The following MSH4 variants were observed in gnomAD, a reference collection of about 807,000 sequenced individuals.
The protein encoded by MSH4 is mutS homolog 4.
MSH4 carries 106 observed loss-of-function variants against 113.7 expected under a neutral mutation model. The ratio of observed to expected loss-of-function variants is 0.93; its 90% confidence interval spans 0.80 to 1.10. The LOEUF (loss-of-function observed/expected upper bound fraction) is 1.10. MSH4 is among the 50% of genes least tolerant of loss of function. The pLI, the probability that MSH4 is intolerant of heterozygous loss-of-function variation, is 0.00. For synonymous variants in MSH4, 368 were observed against 380.2 expected (o/e 0.97, Z 0.37); for missense variants, 1,061 against 1,093.7 (o/e 0.97, Z 0.42).
In MSH4 at chr1:75,902,673, GTATATATATATATATATA is replaced by G. The variant is rs34304425; in HGVS notation, c.2619+3012_2619+3029del. ...AGGTACAGGTGTTATATATGTGTAT[GTATATATATATATATATA>G]TATATATATATATATATATATATAT... On this transcript the variant is annotated intron_variant, in intron 19 of 19. Coordinates refer to ENST00000263187, the MANE Select transcript of MSH4 (RefSeq NM_002440.4). 1.7e-3 allele frequency among the ~76,000 whole-genome samples: 152 copies of G among 90,198 alleles called. 1 individual carries two copies. Among genetic ancestry groups the G allele is most frequent in the East Asian group, 3.8e-3 (4 of 1,062 alleles). The allele number at this position is 90,198 out of a possible 152,430, so 59.2% of individuals were successfully genotyped here.
chr1:75,847,869 T>C (rs1328428173), intron 7 of MSH4, among the ~76,000 whole-genome samples: 1 of 152,114 alleles, frequency 6.6e-6, no homozygotes, highest in Non-Finnish European at 1.5e-5. Flanking sequence ...GTGACCCAAA[T>C]GTTTTCCACT....
At chr1:75,804,153 A>G (rs1410247157) in intron 2 of MSH4, among the ~76,000 whole-genome samples, 1 of 152,194 alleles carries the variant, frequency 6.6e-6, no homozygotes, top group African/African-American at 2.4e-5. Flanking sequence ...AAAAAAACAC[A>G]CAAGAAAGAG....
intron 7 of MSH4, among the ~76,000 whole-genome samples, chr1:75,840,611 A>G (rs1337462610): frequency 6.6e-6 from 1 of 150,824 alleles, no homozygotes; most frequent in Non-Finnish European, 1.5e-5. Context: ...TGGTACATGT[A>G]TACATATGTA....
intron 8 of MSH4, among the ~76,000 whole-genome samples, chr1:75,849,469 T>C (rs1263990321): frequency 1.3e-5 from 2 of 152,216 alleles, no homozygotes; most frequent in Non-Finnish European, 2.9e-5. Flanking sequence ...TTGATGACAT[T>C]TGTAAATCCA....
intron 8 of MSH4, among the ~76,000 whole-genome samples, chr1:75,855,159 G>T (rs1478486545): frequency 4.0e-5 from 6 of 151,730 alleles, no homozygotes; most frequent in Non-Finnish European, 1.5e-5. Context: ...TACCTCAGCC[G>T]CCTGAGTAGC....
chr1:75,897,420 C>T lies in MSH4; in HGVS notation c.2356-487C>T, dbSNP rs959290390. Among the ~76,000 whole-genome samples, 5 of 152,122 alleles carry T rather than the reference C, an allele frequency of 3.3e-5. No individual in the cohort carries two copies. In the East Asian group the frequency reaches 9.6e-4, roughly 29 times the overall value. ...CACAATGAAGTCTAAAAACTAAAAA[C>T]TTTTGGAATTTGACATACCTAAGAC... On this transcript the variant is annotated intron_variant, in intron 17 of 19. Transcript: ENST00000263187.
chr1:75,822,271 A>T, intron 6 of MSH4, 138 bp from the exon 7 acceptor site: 1 of 511,502 alleles, frequency 2.0e-6, no homozygotes, highest in Non-Finnish European at 3.2e-6. Flanking sequence ...ACTGGGAGAG[A>T]GAGCGAGACT....
chr1:75,858,312 A>G (rs1404485333), intron 8 of MSH4, among the ~76,000 whole-genome samples: 1 of 152,240 alleles, frequency 6.6e-6, no homozygotes, highest in Non-Finnish European at 1.5e-5. Flanking sequence ...GTTGAATAGG[A>G]GTGGTGAGAA....
chr1:75,819,155 G>A (rs572428789), intron 6 of MSH4, among the ~76,000 whole-genome samples: 4 of 151,796 alleles, frequency 2.6e-5, no homozygotes, highest in East Asian at 1.9e-4. Context: ...ATTTCCCCTC[G>A]CTCTTTGTCT....
intron 7 of MSH4, among the ~76,000 whole-genome samples, chr1:75,833,879 G>A (rs891402107): frequency 5.9e-5 from 9 of 152,104 alleles, no homozygotes; most frequent in South Asian, 2.1e-4. Flanking sequence ...CATGGGCAAG[G>A]ACTTCATGAC....
At chr1:75,878,042 A>C (rs931967223) in intron 10 of MSH4, 107 bp from the exon 11 acceptor site, 2 of 790,358 alleles carry the variant, frequency 2.5e-6, no homozygotes, top group Non-Finnish European at 3.9e-6. Flanking sequence ...TTATTTCAAA[A>C]TAACTTTCAA....
chr1:75,808,364 C>T (rs1288804265), intron 3 of MSH4, among the ~76,000 whole-genome samples: 1 of 152,164 alleles, frequency 6.6e-6, no homozygotes, highest in African/African-American at 2.4e-5. Context: ...GTGTGACTGT[C>T]ATTAGTACAC....
intron 19 of MSH4, among the ~76,000 whole-genome samples, chr1:75,907,797 A>G (rs1652701128): frequency 6.8e-6 from 1 of 147,116 alleles, no homozygotes; most frequent in Admixed American, 6.8e-5. Flanking sequence ...GCTTACTGCA[A>G]CCTCCGCTTC....
At chr1:75,893,315 C>T (rs1652299125) in intron 17 of MSH4, among the ~76,000 whole-genome samples, 1 of 152,126 alleles carries the variant, frequency 6.6e-6, no homozygotes, top group African/African-American at 2.4e-5. Flanking sequence ...AAATCAAACC[C>T]AGAATCTCAT....
chr1:75,882,689 A>AAAG (rs1651961488), intron 14 of MSH4, among the ~76,000 whole-genome samples: 1 of 129,172 alleles, frequency 7.7e-6, no homozygotes, highest in Non-Finnish European at 1.7e-5. Flanking sequence ...AAAAAAAAAA[A>AAAG]TCGGTGAGAA....
At chr1:75,900,046 A>G (rs1652474181) in intron 19 of MSH4, among the ~76,000 whole-genome samples, 1 of 151,952 alleles carries the variant, frequency 6.6e-6, no homozygotes, top group African/African-American at 2.4e-5. Flanking sequence ...CAATATTTGT[A>G]TAATTATATA....
At position 75,881,235 on chromosome 1, in the gene MSH4, C is replaced by CAT. The variant is rs5745466; in HGVS notation, c.1782-11_1782-10insAT. On this transcript the variant is annotated splice_polypyrimidine_tract_variant and intron_variant, in intron 13 of 19. Coordinates refer to ENST00000263187, the MANE Select transcript of MSH4 (RefSeq NM_002440.4). The stretch of plus-strand genomic sequence containing the variant: ...AAACATTATTACATGTCTTACCAAA[C>CAT]GTGTTTTCAGGATAGTGTGCAAACT... 1,569,344 of 1,580,922 alleles carry CAT rather than the reference C, an allele frequency of 0.99. 779,582 individuals are homozygous for CAT. Among genetic ancestry groups the CAT allele is most frequent in the East Asian group, 1 (44,412 of 44,418 alleles).
chr1:75,846,928 C>T (rs1251246074), intron 7 of MSH4, among the ~76,000 whole-genome samples: 1 of 152,144 alleles, frequency 6.6e-6, no homozygotes, highest in Non-Finnish European at 1.5e-5. Flanking sequence ...GCTGCTATAA[C>T]AGAATATCTG....
chr1:75,820,263 A>G (rs1399585739), intron 6 of MSH4, among the ~76,000 whole-genome samples: 2 of 152,232 alleles, frequency 1.3e-5, no homozygotes, highest in Admixed American at 1.3e-4. Flanking sequence ...AGGAGATTCT[A>G]TTCATCCTTG....
Sources: gnomAD v4.1 joint callset for allele counts (sites outside exome capture counted in the v4.1 genomes callset) on GRCh38, gnomAD v4.1.1 for gene constraint, MANE v1.5 for transcripts, NCBI Gene and HGNC (gene_info 2026-07-23, HGNC 2026-07-21) for gene names.